EFCAB6: variants seen among roughly 807,000 people sequenced by gnomAD.
EFCAB6 encodes the protein EF-hand calcium-binding domain-containing protein 6.
EFCAB6 carries 156 observed loss-of-function variants against 169.8 expected under a neutral mutation model. The ratio of observed to expected loss-of-function variants is 0.92; its 90% CI spans 0.81 to 1.05. The LOEUF is 1.05. Ranked by LOEUF, EFCAB6 falls within the 50% of genes least tolerant of loss-of-function variation. The pLI, the probability that EFCAB6 is intolerant of heterozygous loss-of-function variation, is 0.00. For missense variants in EFCAB6, 1,800 were observed against 1,829.1 expected (o/e 0.98, Z 0.29); for synonymous variants, 698 against 676.4 (o/e 1.03, Z -0.50).
chr22:43,657,738 T>C (rs1020208179), intron 17 of EFCAB6, among the ~76,000 whole-genome samples: 1 of 151,870 alleles, frequency 6.6e-6, no homozygotes, highest in Non-Finnish European at 1.5e-5. Flanking sequence ...AGGAAGAAAA[T>C]AATCAATATA....
chr22:43,656,918 C>A (rs1385634885), intron 17 of EFCAB6, among the ~76,000 whole-genome samples: 1 of 152,172 alleles, frequency 6.6e-6, no homozygotes, highest in Non-Finnish European at 1.5e-5. Context: ...GTCATTAAGC[C>A]GCATATGACT....
intron 12 of EFCAB6, 175 bp downstream of exon 12, chr22:43,683,572 C>G (rs137793): frequency 0.67 from 386,177 of 580,240 alleles, 131,710 homozygotes; most frequent in African/African-American, 0.84. Flanking sequence ...AACCCTTGAG[C>G]TCGGGGCTTC....
At position 43,540,298 on chromosome 22, in the gene EFCAB6, G is replaced by A. The variant is rs1286080018; in HGVS notation, c.3708C>T (p.Asp1236=). The change falls in exon 28 of 32, where the codon GAC becomes GAT. Residue 1236 remains aspartate, a synonymous_variant. Transcript: ENST00000262726. ...VNAKGRLKYP[D]FLSRFSSETA... ...TCTCGGAACTGAACCTGCTCAGGAA[G>A]TCCGGGTATTTCAGCCTCCCCTTGG... The A allele has an allele frequency of 6.2e-7, 1 of 1,614,202 alleles. No individual in the cohort carries two copies. The highest frequency in any genetic ancestry group is 1.7e-5 in the Admixed American group (1 of 60,032).
At chr22:43,691,146 G>A (rs573029554) in intron 10 of EFCAB6, among the ~76,000 whole-genome samples, 13 of 152,164 alleles carry the variant, frequency 8.5e-5, no homozygotes, top group African/African-American at 2.9e-4. Context: ...ACATGGCCAC[G>A]TCTAAACAAG....
At chr22:43,746,964 C>T (rs1488044248) in intron 6 of EFCAB6, among the ~76,000 whole-genome samples, 1 of 152,194 alleles carries the variant, frequency 6.6e-6, no homozygotes, top group Non-Finnish European at 1.5e-5. Flanking sequence ...GATCAGAAGC[C>T]ACTATGCTGA....
At chr22:43,780,957 TG>T (rs1157851093) in intron 3 of EFCAB6, among the ~76,000 whole-genome samples, 4 of 152,222 alleles carry the variant, frequency 2.6e-5, no homozygotes, top group Admixed American at 1.3e-4. Flanking sequence ...TGCAGTGCTT[TG>T]TAAGTGCGTC....
At chr22:43,588,100 C>T (rs1038080897) in intron 24 of EFCAB6, among the ~76,000 whole-genome samples, 1 of 152,096 alleles carries the variant, frequency 6.6e-6, no homozygotes, top group Non-Finnish European at 1.5e-5. Flanking sequence ...TCTGAAAAGG[C>T]CAAACAAAAA....
At chr22:43,737,961 CCAT>C (rs1332339085) in intron 6 of EFCAB6, among the ~76,000 whole-genome samples, 10 of 151,618 alleles carry the variant, frequency 6.6e-5, no homozygotes, top group Admixed American at 1.3e-4. Flanking sequence ...CATACCCACA[CCAT>C]CACTCACACA....
At chr22:43,631,026 A>G (rs2054902313) in intron 19 of EFCAB6, among the ~76,000 whole-genome samples, 2 of 151,988 alleles carry the variant, frequency 1.3e-5, no homozygotes, top group African/African-American at 4.8e-5. Context: ...GGAGCCTGGT[A>G]ACCAAAATGA....
rs557631811 is a variant in EFCAB6 at position 43,592,867 on chromosome 22, C to T, written c.2877-2638G>A. ...TGAGATTCTGAATCTTCAACTCAGA[C>T]TCAAGCAAAAAGAGCAAGGCATGGA... On this transcript the variant is annotated intron_variant, in intron 23 of 31. Coordinates refer to ENST00000262726, the MANE Select transcript of EFCAB6 (RefSeq NM_022785.4). Among the ~76,000 whole-genome samples the T allele has an allele frequency of 2.7e-4, 41 of 152,184 alleles. No homozygotes were observed. The Middle Eastern group carries it at 0.014, about 51-fold the overall frequency.
In EFCAB6 at chr22:43,635,101, C is replaced by T; in HGVS notation, c.2098+1G>A. The T allele has an allele frequency of 6.2e-7, 1 of 1,613,818 alleles. No individual in the cohort carries two copies. The stretch of plus-strand genomic sequence containing the variant: ...AGGGTGTGGACTTGGCCATTAGCTA[C>T]CTTCAAATCCTGCTGCAAAATCAAG... On this transcript the variant is annotated splice_donor_variant, in intron 18 of 31. Coordinates refer to ENST00000262726, the MANE Select transcript of EFCAB6 (RefSeq NM_022785.4). LOFTEE classifies it high-confidence loss of function.
chr22:43,599,955 T>G, intron 23 of EFCAB6, 114 bp downstream of exon 23: 1 of 1,182,124 alleles, frequency 8.5e-7, no homozygotes, highest in Admixed American at 2.3e-5. Flanking sequence ...AGCACGATCA[T>G]TTCCCTGTAA....
At chr22:43,803,739 G>A (rs990416933) in intron 2 of EFCAB6, among the ~76,000 whole-genome samples, 32 of 152,130 alleles carry the variant, frequency 2.1e-4, no homozygotes, top group African/African-American at 7.7e-4. Context: ...ACTTCAAAAT[G>A]CTTCACTCTC....
At chr22:43,582,341 T>TATAC (rs1555941385) in intron 24 of EFCAB6, among the ~76,000 whole-genome samples, 4 of 148,266 alleles carry the variant, frequency 2.7e-5, no homozygotes, top group South Asian at 2.2e-4. Flanking sequence ...TCTATACACA[T>TATAC]ACACACACAC....
chr22:43,581,651 T>A (rs865998545), intron 24 of EFCAB6, among the ~76,000 whole-genome samples: 2 of 152,230 alleles, frequency 1.3e-5, no homozygotes, highest in Non-Finnish European at 2.9e-5. Context: ...CTCAGCAGCA[T>A]TGGGCTCAAG....
chr22:43,774,538 T>C (rs1421744467), intron 3 of EFCAB6, among the ~76,000 whole-genome samples: 2 of 151,596 alleles, frequency 1.3e-5, no homozygotes, highest in Non-Finnish European at 2.9e-5. Flanking sequence ...GGGCTGGGGA[T>C]GACTCTCGCT....
chr22:43,755,801 T>A lies in EFCAB6; in HGVS notation c.472A>T (p.Thr158Ser), dbSNP rs753629651. 1 of 1,606,524 alleles carries A rather than the reference T, an allele frequency of 6.2e-7. No individual in the cohort carries two copies. The change falls in exon 6 of 32, where the codon ACA becomes TCA. Residue 158 changes from threonine (T) to serine (S), a missense_variant. Coordinates refer to ENST00000262726, the MANE Select transcript of EFCAB6 (RefSeq NM_022785.4). ...ACTTGGATTTCAAGTTCTCTTAATG[T>A]GCGGCAGCAATTCATTTCATTCCCA... The part of the protein sequence containing the change: ...GGGNEMNCCR[T>S]LRELEIQVGE...
intron 25 of EFCAB6, among the ~76,000 whole-genome samples, chr22:43,577,270 A>G (rs575136913): frequency 6.6e-6 from 1 of 152,338 alleles, no homozygotes; most frequent in Admixed American, 6.5e-5. Context: ...ATCTGCATCC[A>G]GGGGTAGATT....
At chr22:43,657,758 T>A (rs2148122028) in intron 17 of EFCAB6, among the ~76,000 whole-genome samples, 1 of 152,106 alleles carries the variant, frequency 6.6e-6, no homozygotes, top group Middle Eastern at 3.4e-3. Flanking sequence ...AACAGCAAAA[T>A]TAATGAAATG....
Sources: allele counts gnomAD v4.1 joint callset (sites outside exome capture counted in the v4.1 genomes callset), GRCh38; gene constraint gnomAD v4.1.1; transcripts MANE v1.5; gene names NCBI Gene and HGNC (gene_info 2026-07-23, HGNC 2026-07-21).